The following CAP2 variants were observed in gnomAD, a reference collection of about 807,000 sequenced individuals.
CAP2 encodes the protein cyclase associated actin cytoskeleton regulatory protein 2, also known as adenylyl cyclase-associated protein 2.
Under a neutral mutation model 57.7 loss-of-function variants are expected in CAP2, and 24 were observed. That is an observed-to-expected ratio of 0.42 (90% CI 0.30 to 0.58). The LOEUF is 0.58. CAP2 is among the 20% of genes least tolerant of loss of function. The pLI is 0.22. For missense variants in CAP2, 501 were observed against 590.3 expected, an observed-to-expected ratio of 0.85 and a Z score of 1.57; for synonymous variants, 194 against 207.2, an observed-to-expected ratio of 0.94 and a Z score of 0.55.
At chr6:17,470,508 G>C (rs888292370) in intron 4 of CAP2, among the ~76,000 whole-genome samples, 4 of 152,094 alleles carry the variant, frequency 2.6e-5, no homozygotes, top group Non-Finnish European at 4.4e-5. Flanking sequence ...AGTGTTTTTG[G>C]TTGCCATTCT....
intron 1 of CAP2, among the ~76,000 whole-genome samples, chr6:17,414,401 C>A (rs1313727026): frequency 1.3e-5 from 2 of 152,116 alleles, no homozygotes; most frequent in African/African-American, 4.8e-5. Flanking sequence ...AAGTTCCTCC[C>A]CTCAGTCCCC....
intron 3 of CAP2, among the ~76,000 whole-genome samples, chr6:17,429,455 G>A (rs1337941478): frequency 6.6e-6 from 1 of 152,174 alleles, no homozygotes; most frequent in Admixed American, 6.5e-5. Context: ...ATTTAACTTT[G>A]CATTTTTTAA....
chr6:17,503,303 CTCT>C (rs1761878527), intron 4 of CAP2, among the ~76,000 whole-genome samples: 1 of 152,122 alleles, frequency 6.6e-6, no homozygotes, highest in Admixed American at 6.6e-5. Context: ...TCTTCATCTC[CTCT>C]TCTTATAAAG....
intron 4 of CAP2, among the ~76,000 whole-genome samples, chr6:17,504,147 C>T (rs1430477590): frequency 6.6e-6 from 1 of 152,144 alleles, no homozygotes; most frequent in Non-Finnish European, 1.5e-5. Flanking sequence ...TCAGTGAACT[C>T]GGCCAATCAG....
chr6:17,444,800 C>G (rs1760204422), intron 3 of CAP2, among the ~76,000 whole-genome samples: 1 of 100,174 alleles, frequency 1.0e-5, no homozygotes, highest in Non-Finnish European at 2.0e-5. Flanking sequence ...TTGTTTCTCT[C>G]TCTCCACACA....
Position 17,542,859 on chromosome 6 carries a change from A to G in CAP2, c.1025A>G (p.Asp342Gly), listed in dbSNP as rs779180614. The part of the protein sequence containing the change: ...WRVEYQEDRN[D>G]LVISETELKQ... The stretch of plus-strand genomic sequence containing the variant: ...TAGGAGTACCAAGAGGACAGGAATG[A>G]CCTTGTGATTTCAGAGACTGAGCTG... Residue 342 changes from aspartate to glycine, a missense_variant, in exon 10 of 13, where the codon GAC (aspartate) becomes GGC (glycine). Transcript: ENST00000229922. 1.9e-6 allele frequency: 3 copies of G among 1,612,334 alleles called. No individual in the cohort carries two copies. The highest frequency in any genetic ancestry group is 2.2e-5 in the South Asian group (2 of 91,052).
intron 4 of CAP2, among the ~76,000 whole-genome samples, chr6:17,499,831 A>G (rs1337152639): frequency 3.4e-5 from 5 of 147,410 alleles, no homozygotes; most frequent in Admixed American, 6.9e-5. Flanking sequence ...AGCCTGGGTG[A>G]CAGAGTGAGA....
rs565337520 is a variant in CAP2, at chr6:17,434,481, G to A, written c.222+7791G>A. On this transcript the variant is annotated intron_variant, in intron 3 of 12. Transcript: ENST00000229922. Reference sequence around the variant, plus strand: ...TGACCTCAAGTGATCCACCTGCCTCGGCCTCCCAAAGTGCTGGGATTACAG... The same window carrying A: ...TGACCTCAAGTGATCCACCTGCCTCAGCCTCCCAAAGTGCTGGGATTACAG... Among the ~76,000 whole-genome samples the A allele has an allele frequency of 2.0e-4, 30 of 152,110 alleles. No individual in the cohort carries two copies. In the South Asian group the frequency reaches 5.0e-3, roughly 25 times the overall value.
At chr6:17,544,321 T>C (rs991008808) in intron 11 of CAP2, among the ~76,000 whole-genome samples, 4 of 152,036 alleles carry the variant, frequency 2.6e-5, no homozygotes, top group African/African-American at 7.2e-5. Context: ...AGAACTTTTT[T>C]CTCAGGAAAA....
intron 1 of CAP2, among the ~76,000 whole-genome samples, chr6:17,403,383 G>A (rs1489500346): frequency 1.3e-5 from 2 of 152,234 alleles, no homozygotes; most frequent in Non-Finnish European, 2.9e-5. Flanking sequence ...GATTACTGGC[G>A]TGAGCCACAG....
intron 4 of CAP2, among the ~76,000 whole-genome samples, chr6:17,489,188 C>T (rs1761490677): frequency 6.6e-6 from 1 of 152,184 alleles, no homozygotes; most frequent in South Asian, 2.1e-4. Flanking sequence ...AATTCCAACA[C>T]TTTGGGAGGC....
intron 2 of CAP2, 43 bp from the exon 3 acceptor site, chr6:17,426,547 T>C (rs1378142791): frequency 1.4e-6 from 2 of 1,463,380 alleles, no homozygotes; most frequent in African/African-American, 2.8e-5. Flanking sequence ...TCCCAGGTTT[T>C]CATTCAACGG....
At chr6:17,417,566 G>T (rs1025424057) in intron 1 of CAP2, among the ~76,000 whole-genome samples, 2 of 152,090 alleles carry the variant, frequency 1.3e-5, no homozygotes, top group African/African-American at 2.4e-5. Context: ...TGAGCCACTG[G>T]CCCCGGCTCC....
intron 3 of CAP2, among the ~76,000 whole-genome samples, chr6:17,429,877 CA>C (rs1481405797): frequency 1.3e-5 from 2 of 152,178 alleles, no homozygotes; most frequent in Non-Finnish European, 2.9e-5. Flanking sequence ...CTCTCGCTTA[CA>C]GAACCATGTG....
intron 12 of CAP2, among the ~76,000 whole-genome samples, chr6:17,554,308 G>A (rs1412554525): frequency 6.6e-6 from 1 of 152,158 alleles, no homozygotes; most frequent in Non-Finnish European, 1.5e-5. Context: ...TGTCCCTGAG[G>A]ATAGGCAGAG....
At chr6:17,429,984 G>A (rs1759685363) in intron 3 of CAP2, among the ~76,000 whole-genome samples, 1 of 152,196 alleles carries the variant, frequency 6.6e-6, no homozygotes, top group South Asian at 2.1e-4. Context: ...TAGGAAAAAA[G>A]CCCTCACATA....
intron 11 of CAP2, among the ~76,000 whole-genome samples, chr6:17,544,312 G>C (rs777720015): frequency 3.2e-4 from 49 of 151,964 alleles, no homozygotes; most frequent in Non-Finnish European, 3.5e-4. Context: ...ATTCCAAAGA[G>C]AACTTTTTTC....
chr6:17,544,356 A>G (rs1319082281), intron 11 of CAP2, among the ~76,000 whole-genome samples: 4 of 152,184 alleles, frequency 2.6e-5, no homozygotes, highest in Non-Finnish European at 5.9e-5. Context: ...ATGAAGAGGA[A>G]AAGTTTTTCT....
chr6:17,397,659 C>A (rs894563366), intron 1 of CAP2, among the ~76,000 whole-genome samples: 4 of 137,906 alleles, frequency 2.9e-5, no homozygotes, highest in African/African-American at 1.1e-4. Context: ...CGCGCCACTG[C>A]ACTCCAGCCT....
Sources: allele counts gnomAD v4.1 joint callset (sites outside exome capture counted in the v4.1 genomes callset), GRCh38; gene constraint gnomAD v4.1.1; transcripts MANE v1.5; gene names NCBI Gene and HGNC (gene_info 2026-07-23, HGNC 2026-07-21).